VPS13B: variants seen among roughly 807,000 people sequenced by gnomAD.
The protein encoded by VPS13B is intermembrane lipid transfer protein VPS13B.
A neutral mutation model predicts 426.4 loss-of-function variants in VPS13B; 285 were observed. The ratio of observed to expected loss-of-function variants is 0.67; its 90% confidence interval spans 0.61 to 0.74. The LOEUF is 0.74. VPS13B is among the 30% of genes least tolerant of loss of function. VPS13B has a pLI of 0.00. For missense variants in VPS13B, 4,537 were observed against 4,782.6 expected (o/e 0.95, Z 1.51); for synonymous variants, 1,676 against 1,676.4 (o/e 1.00, Z 0.01).
At chr8:99,595,126 C>T (rs569902750) in intron 33 of VPS13B, among the ~76,000 whole-genome samples, 1 of 151,994 alleles carries the variant, frequency 6.6e-6, no homozygotes, top group Non-Finnish European at 1.5e-5. Flanking sequence ...TTAAGAGCTT[C>T]AAAAGTCAAT....
In VPS13B at chr8:99,206,956, G is replaced by GT. The variant is rs1359542042; in HGVS notation, c.2515+13900dup. On this transcript the variant is annotated intron_variant, in intron 17 of 61. Transcript: ENST00000357162. Reference sequence around the variant, plus strand: ...GCATTGGCTATACATTTATTCTTGCGTAAAAAAAAATGAATTGAGTTAGAT... The same window carrying GT: ...GCATTGGCTATACATTTATTCTTGCGTTAAAAAAAAATGAATTGAGTTAGAT... 4.0e-5 allele frequency among the ~76,000 whole-genome samples: 6 copies of GT among 151,640 alleles called. 1 individual carries two copies. The highest frequency in any genetic ancestry group is 1.2e-4 in the African/African-American group (5 of 41,388).
intron 3 of VPS13B, among the ~76,000 whole-genome samples, chr8:99,045,039 A>G (rs1037903851): frequency 2.6e-5 from 4 of 152,088 alleles, no homozygotes; most frequent in Non-Finnish European, 4.4e-5. Flanking sequence ...TCTTTTTTGT[A>G]TAATGACTTC....
At chr8:99,849,894 A>C (rs1816170926) in intron 55 of VPS13B, among the ~76,000 whole-genome samples, 1 of 152,126 alleles carries the variant, frequency 6.6e-6, no homozygotes, top group African/African-American at 2.4e-5. Flanking sequence ...ATATGATCCT[A>C]GTTATGTGTT....
At chr8:99,334,392 C>T (rs1024563591) in intron 19 of VPS13B, among the ~76,000 whole-genome samples, 1 of 151,746 alleles carries the variant, frequency 6.6e-6, no homozygotes, top group Admixed American at 6.6e-5. Context: ...ACTTGAAGGT[C>T]GAATAGGAGT....
At chr8:99,188,015 C>A (rs1813315531) in intron 16 of VPS13B, among the ~76,000 whole-genome samples, 1 of 145,618 alleles carries the variant, frequency 6.9e-6, no homozygotes, top group Admixed American at 6.9e-5. Flanking sequence ...CAGACAGAGG[C>A]AGGGGTGACC....
chr8:99,272,928 A>G (rs924801598), intron 17 of VPS13B, among the ~76,000 whole-genome samples: 16 of 152,114 alleles, frequency 1.1e-4, no homozygotes, highest in Admixed American at 1.0e-3. Flanking sequence ...GAGAGCCAAT[A>G]TTGACTCTCA....
intron 30 of VPS13B, among the ~76,000 whole-genome samples, chr8:99,523,166 T>A (rs552346044): frequency 1.3e-5 from 2 of 152,294 alleles, no homozygotes; most frequent in East Asian, 3.9e-4. Flanking sequence ...AAGGACTTTG[T>A]CTTGCGGCTT....
intron 16 of VPS13B, among the ~76,000 whole-genome samples, chr8:99,191,550 A>G (rs1813594486): frequency 6.6e-6 from 1 of 151,270 alleles, no homozygotes; most frequent in Non-Finnish European, 1.5e-5. Context: ...CGCCCAGCTA[A>G]TTTTTGTATT....
At chr8:99,666,279 A>G (rs534470234) in intron 35 of VPS13B, among the ~76,000 whole-genome samples, 14 of 152,326 alleles carry the variant, frequency 9.2e-5, no homozygotes, top group Admixed American at 7.8e-4. Flanking sequence ...ATCAGTAGAA[A>G]AACAGGGAAT....
At chr8:99,759,189 T>A (rs1283089037) in intron 39 of VPS13B, among the ~76,000 whole-genome samples, 2 of 152,130 alleles carry the variant, frequency 1.3e-5, no homozygotes, top group Non-Finnish European at 2.9e-5. Flanking sequence ...TCTAGGAATC[T>A]TTTCCACTCC....
chr8:99,719,329 G>A (rs561715786), intron 37 of VPS13B, among the ~76,000 whole-genome samples: 1 of 152,226 alleles, frequency 6.6e-6, no homozygotes, highest in South Asian at 2.1e-4. Flanking sequence ...AAAGGCTAGA[G>A]CACAACATTC....
At chr8:99,644,238 A>T (rs1352632528) in intron 34 of VPS13B, among the ~76,000 whole-genome samples, 1 of 152,162 alleles carries the variant, frequency 6.6e-6, no homozygotes, top group Non-Finnish European at 1.5e-5. Flanking sequence ...AAATTGTTAA[A>T]CTGAGGCAAG....
chr8:99,277,453 C>A (rs1320254582), intron 19 of VPS13B, among the ~76,000 whole-genome samples: 3 of 151,950 alleles, frequency 2.0e-5, no homozygotes, highest in African/African-American at 7.2e-5. Flanking sequence ...TTGAATTAAT[C>A]TTATGTTCTT....
At chr8:99,469,422 T>C (rs1040263606) in intron 24 of VPS13B, among the ~76,000 whole-genome samples, 1 of 152,116 alleles carries the variant, frequency 6.6e-6, no homozygotes, top group Non-Finnish European at 1.5e-5. Context: ...GCGATCCTTC[T>C]GCTTCAGCCT....
intron 40 of VPS13B, among the ~76,000 whole-genome samples, chr8:99,773,003 A>G (rs1184927513): frequency 6.6e-6 from 1 of 152,234 alleles, no homozygotes; most frequent in East Asian, 1.9e-4. Context: ...AAGATAATCA[A>G]TTAACATTAA....
At position 99,699,584 on chromosome 8, in the gene VPS13B, G is replaced by C. The variant is rs775482916; in HGVS notation, c.6106G>C (p.Asp2036His). Residue 2036 changes from aspartate to histidine, a missense_variant, in exon 36 of 62, where the codon GAT becomes CAT. Physicochemically the swap from Asp to His is moderately conservative, Grantham distance 81. Coordinates refer to ENST00000357162, the MANE Select transcript of VPS13B (RefSeq NM_152564.5). ...LKANLSFTKL[D>H]QINLFLKKIK... ...AGCAAACCTGAGTTTCACCAAACTG[G>C]ATCAGATAAACCTTTTTTTAAAGAA... is the stretch of plus-strand genomic sequence containing the variant. The C allele has an allele frequency of 1.9e-6, 3 of 1,613,930 alleles. No homozygotes were observed. The African/African-American group carries it at 4.0e-5, about 22-fold the overall frequency.
chr8:99,771,259 A>G (rs568083000), intron 40 of VPS13B, among the ~76,000 whole-genome samples: 11 of 152,284 alleles, frequency 7.2e-5, no homozygotes, highest in Admixed American at 2.0e-4. Context: ...TCCATATTTC[A>G]TGGTCATCTT....
chr8:99,588,593 T>C (rs1826433057), intron 33 of VPS13B, among the ~76,000 whole-genome samples: 1 of 151,696 alleles, frequency 6.6e-6, no homozygotes, highest in South Asian at 2.1e-4. Flanking sequence ...TGAATGGGAG[T>C]TCACTCATGA....
chr8:99,853,370 G>A (rs1276750599), intron 55 of VPS13B, 81 bp from the exon 56 acceptor site: 3 of 1,432,442 alleles, frequency 2.1e-6, no homozygotes, highest in Non-Finnish European at 2.9e-6. Context: ...GTATTTAATA[G>A]GGTACTGTCA....
Sources: gnomAD v4.1 joint callset for allele counts (sites outside exome capture counted in the v4.1 genomes callset) on GRCh38, gnomAD v4.1.1 for gene constraint, MANE v1.5 for transcripts, NCBI Gene and HGNC (gene_info 2026-07-23, HGNC 2026-07-21) for gene names.